Variants in FREM1 observed in about 807,000 individuals in gnomAD.
FREM1 encodes FRAS1-related extracellular matrix protein 1.
FREM1 carries 220 observed loss-of-function variants against 210.1 expected under a neutral mutation model. The observed-to-expected ratio is 1.05, with a 90% CI of 0.94 to 1.17. The LOEUF (loss-of-function observed/expected upper bound fraction) is 1.17, where lower values mean the gene tolerates loss of function less well. Ranked by LOEUF, FREM1 falls within the 50% of genes most tolerant of loss-of-function variation. The probability of loss-of-function intolerance (pLI) is 0.00; values close to 1 mark genes in which losing one functional copy is unlikely to be tolerated. For synonymous variants in FREM1, 1,189 were observed against 980.2 expected (o/e 1.21, Z -3.98); for missense variants, 3,454 against 2,675.5 (o/e 1.29, Z -6.42).
At chr9:14,881,365 A>C (rs1247443578) in intron 1 of FREM1, among the ~76,000 whole-genome samples, 1 of 152,166 alleles carries the variant, frequency 6.6e-6, no homozygotes, top group Non-Finnish European at 1.5e-5. Context: ...TTTACAGCCA[A>C]TCTGGGTATA....
intron 1 of FREM1, among the ~76,000 whole-genome samples, chr9:14,899,268 C>T (rs1315871955): frequency 6.6e-6 from 1 of 152,192 alleles, no homozygotes; most frequent in Non-Finnish European, 1.5e-5. Flanking sequence ...CACACCCATG[C>T]CAGTGTGCCA....
intron 35 of FREM1, among the ~76,000 whole-genome samples, chr9:14,741,555 T>C (rs751350021): frequency 2.0e-5 from 3 of 152,050 alleles, no homozygotes; most frequent in Non-Finnish European, 2.9e-5. Context: ...TCTCCTCTCC[T>C]CCCCTCCCCA....
rs1392796528 is a variant in FREM1, at chr9:14,804,795, G to A, written c.3471+161C>T. 2.6e-5 allele frequency among the ~76,000 whole-genome samples: 4 copies of A among 152,100 alleles called. No homozygotes were observed. In the South Asian group the frequency reaches 8.3e-4, roughly 32 times the overall value. ...ATGTGCCAACAAAAGAGGAAAGGCA[G>A]GAAGATTAATAATTTTCAAATGATT... is the stretch of plus-strand genomic sequence containing the variant. On this transcript the variant is annotated intron_variant, in intron 19 of 36. Coordinates refer to ENST00000380880, the MANE Select transcript of FREM1 (RefSeq NM_001379081.2).
intron 27 of FREM1, among the ~76,000 whole-genome samples, chr9:14,766,000 C>A (rs1846330439): frequency 6.6e-6 from 1 of 152,124 alleles, no homozygotes; most frequent in Middle Eastern, 3.2e-3. Context: ...TTCTGCGGAT[C>A]ATCTTGGAGA....
intron 20 of FREM1, 92 bp from the exon 21 acceptor site, chr9:14,797,734 G>T (rs1852710782): frequency 1.9e-6 from 2 of 1,072,278 alleles, no homozygotes; most frequent in South Asian, 1.5e-5. Flanking sequence ...CAAGGCAGGG[G>T]TATTAGCAAG....
intron 36 of FREM1, among the ~76,000 whole-genome samples, chr9:14,737,886 GT>G (rs1231432384): frequency 2.6e-5 from 4 of 152,120 alleles, no homozygotes; most frequent in Non-Finnish European, 1.5e-5. Context: ...ATCTAGGGTT[GT>G]TTTGAGGATT....
intron 25 of FREM1, among the ~76,000 whole-genome samples, chr9:14,771,599 A>G (rs901913055): frequency 3.3e-5 from 5 of 152,132 alleles, no homozygotes; most frequent in Admixed American, 2.6e-4. Flanking sequence ...GTTTGGATGG[A>G]TTAGAACAGA....
intron 1 of FREM1, among the ~76,000 whole-genome samples, chr9:14,879,260 A>G (rs1401631382): frequency 2.0e-5 from 3 of 152,092 alleles, no homozygotes; most frequent in Non-Finnish European, 4.4e-5. Context: ...AAAAAGGCAC[A>G]TCATCCTGGG....
chr9:14,769,926 T>C, intron 26 of FREM1, 58 bp from the exon 27 acceptor site: 1 of 875,280 alleles, frequency 1.1e-6, no homozygotes, highest in Non-Finnish European at 1.7e-6. Context: ...AAATAAAAGC[T>C]AATAAAATTG....
intron 1 of FREM1, among the ~76,000 whole-genome samples, chr9:14,878,252 C>T (rs1023719606): frequency 6.6e-6 from 1 of 152,206 alleles, no homozygotes; most frequent in Non-Finnish European, 1.5e-5. Context: ...TCCTGTTTGT[C>T]TTCCCTTTGC....
chr9:14,905,015 T>C (rs1454331546), intron 1 of FREM1, among the ~76,000 whole-genome samples: 2 of 152,170 alleles, frequency 1.3e-5, no homozygotes, highest in Non-Finnish European at 2.9e-5. Flanking sequence ...ACCAGTTTTA[T>C]CTGCTCACAT....
At chr9:14,807,748 A>G (rs1366234224) in intron 17 of FREM1, among the ~76,000 whole-genome samples, 192 bp downstream of exon 17, 3 of 152,152 alleles carry the variant, frequency 2.0e-5, no homozygotes, top group Non-Finnish European at 4.4e-5. Context: ...ATTTTTAAAC[A>G]TGTAAATTCT....
chr9:14,748,531 G>C lies in FREM1; in HGVS notation c.5666C>G (p.Ser1889Cys). 1.2e-6 allele frequency: 2 copies of C among 1,613,824 alleles called. No homozygotes were observed. Among genetic ancestry groups the C allele is most frequent in the Non-Finnish European group, 1.7e-6 (2 of 1,179,748 alleles). Residue 1889 changes from serine (S) to cysteine (C), a missense_variant, in exon 31 of 37, where the codon TCC (serine) becomes TGC (cysteine). Ser to Cys is a moderately radical substitution (Grantham distance 112). Transcript: ENST00000380880. The part of the protein sequence containing the change: ...PGSSSSTTSG[S>C]FHLERRPLPS... ...AAGAGGTCTTCTTTCCAGATGAAAG[G>C]AACCAGAAGTGGTGGATGAGGAAGA... is the stretch of plus-strand genomic sequence containing the variant.
intron 27 of FREM1, among the ~76,000 whole-genome samples, chr9:14,766,309 C>T (rs1014019571): frequency 6.6e-6 from 1 of 152,094 alleles, no homozygotes; most frequent in African/African-American, 2.4e-5. Context: ...TTTCTATTTA[C>T]AATAAAGTGA....
intron 8 of FREM1, 75 bp downstream of exon 8, chr9:14,845,885 T>C: frequency 6.8e-7 from 1 of 1,478,742 alleles, no homozygotes; most frequent in Non-Finnish European, 9.3e-7. Flanking sequence ...ATGCTACATA[T>C]ATCTGTTAAA....
At chr9:14,866,511 G>T (rs907753538) in intron 2 of FREM1, among the ~76,000 whole-genome samples, 1 of 152,104 alleles carries the variant, frequency 6.6e-6, no homozygotes, top group Non-Finnish European at 1.5e-5. Flanking sequence ...TCTCCAAATT[G>T]CCTACTAAGG....
rs952876384 is a variant in FREM1 at position 14,816,778 on chromosome 9, C to G, written c.2640G>C (p.Glu880Asp). 8.6e-6 allele frequency: 12 copies of G among 1,392,232 alleles called. No individual in the cohort carries two copies. The highest frequency in any genetic ancestry group is 1.1e-5 in the Non-Finnish European group (12 of 1,044,916). 86.2% of individuals were successfully genotyped at this position (1,392,232 alleles called of 1,614,324 possible). Residue 880 changes from glutamate to aspartate, a missense_variant and splice_region_variant, in exon 15 of 37, where the codon GAG (glutamate) becomes GAC (aspartate). Transcript: ENST00000380880. ...CCCAGGGAAGAAACTTTCTACCCAC[C>G]TCAACATGTAGTACAAATTCTGCTG... Reference protein sequence around the residue: ...TNSAEFVLHVEVFPVNDEPPV... With the variant: ...TNSAEFVLHVDVFPVNDEPPV...
chr9:14,803,438 C>A (rs1191723306), intron 19 of FREM1, among the ~76,000 whole-genome samples: 4 of 150,378 alleles, frequency 2.7e-5, no homozygotes, highest in African/African-American at 4.9e-5. Context: ...TGGCTCACTG[C>A]ACACTCACCC....
chr9:14,859,248 A>G lies in FREM1; in HGVS notation c.566T>C (p.Val189Ala), dbSNP rs759083546. The G allele has an allele frequency of 6.2e-6, 10 of 1,612,600 alleles. No homozygotes were observed. In the Admixed American group the frequency reaches 1.2e-4, roughly 19 times the overall value. The change falls in exon 4 of 37, where the codon GTT becomes GCT. Residue 189 changes from valine (V) to alanine (A), a missense_variant. Val to Ala is a moderately conservative substitution (Grantham distance 64). Coordinates refer to ENST00000380880, the MANE Select transcript of FREM1 (RefSeq NM_001379081.2). ...RTRLPAHGQM[V>A]LGEPRPEEPR... is the part of the protein sequence containing the mutation. ...TTCTTCTGGTCGAGGCTCCCCGAGA[A>G]CCATCTGGCCATGGGCTGGCAGCCG...
Sources: allele counts gnomAD v4.1 joint callset (sites outside exome capture counted in the v4.1 genomes callset), GRCh38; gene constraint gnomAD v4.1.1; transcripts MANE v1.5; gene names NCBI Gene and HGNC (gene_info 2026-07-23, HGNC 2026-07-21).